The following ABCA3 variants were observed in gnomAD, a reference collection of about 807,000 sequenced individuals.
ABCA3 encodes the protein phospholipid-transporting ATPase ABCA3.
Under a neutral mutation model 172.8 loss-of-function variants are expected in ABCA3, and 88 were observed. The observed-to-expected ratio is 0.51, with a 90% CI of 0.43 to 0.61. The LOEUF is 0.61. ABCA3 is among the 20% of genes least tolerant of loss of function. The probability of loss-of-function intolerance (pLI) is 0.00; values close to 1 mark genes in which losing one functional copy is unlikely to be tolerated. For missense variants in ABCA3, 2,164 were observed against 2,301.0 expected, an observed-to-expected ratio of 0.94 and a Z score of 1.22; for synonymous variants, 1,066 against 983.8, an observed-to-expected ratio of 1.08 and a Z score of -1.56.
chr16:2,319,009 G>T (rs2093721234), intron 8 of ABCA3, among the ~76,000 whole-genome samples: 1 of 151,384 alleles, frequency 6.6e-6, no homozygotes, highest in South Asian at 2.1e-4. Context: ...CCTCAATGCT[G>T]CATAGTTTTA....
At chr16:2,299,892 G>A in intron 13 of ABCA3, 113 bp downstream of exon 13, 2 of 1,495,226 alleles carry the variant, frequency 1.3e-6, no homozygotes, top group Non-Finnish European at 1.8e-6. Flanking sequence ...GGGCAGGAGG[G>A]AGCAAGGCTC....
chr16:2,283,602 G>A lies in ABCA3; in HGVS notation c.3863-244C>T. Reference sequence around the variant, plus strand: ...ACATGGCAGACCCAGGGCAGCAACAGCCCGCCTGAGAGGCACAGGCTCTGC... The same window carrying A: ...ACATGGCAGACCCAGGGCAGCAACAACCCGCCTGAGAGGCACAGGCTCTGC... On this transcript the variant is annotated intron_variant, in intron 25 of 32. Coordinates refer to ENST00000301732, the MANE Select transcript of ABCA3 (RefSeq NM_001089.3). This position sits in a 1 kb window ranked among gnomAD's most constrained non-coding sequence, Gnocchi z 5.4. 1.9e-6 allele frequency: 1 copy of A among 514,624 alleles called. No individual in the cohort carries two copies. Among genetic ancestry groups the A allele is most frequent in the Non-Finnish European group, 3.5e-6 (1 of 282,902 alleles). 31.9% of individuals were successfully genotyped at this position (514,624 alleles called of 1,614,324 possible). A position where few individuals can be genotyped will look rare whatever the true frequency, so the allele number is the denominator to read the frequency against.
Position 2,283,500 on chromosome 16 carries a change from G to T in ABCA3, c.3863-142C>A. 1.1e-6 allele frequency: 1 copy of T among 927,084 alleles called. No individual in the cohort carries two copies. Among genetic ancestry groups the T allele is most frequent in the Non-Finnish European group, 1.6e-6 (1 of 626,076 alleles). 57.4% of individuals were successfully genotyped at this position (927,084 alleles called of 1,614,324 possible). A position where few individuals can be genotyped will look rare whatever the true frequency, so the allele number is the denominator to read the frequency against. The stretch of plus-strand genomic sequence containing the variant: ...CCATGGGGAGATGTGAAGGCCAGTA[G>T]GTCACAGCTGCCTCTCGAGGCACCA... On this transcript the variant is annotated intron_variant, in intron 25 of 32. Transcript: ENST00000301732. This position sits in a 1 kb window ranked among gnomAD's most constrained non-coding sequence, Gnocchi z 5.4.
intron 11 of ABCA3, among the ~76,000 whole-genome samples, chr16:2,305,677 G>A (rs574434369): frequency 1.6e-3 from 237 of 152,062 alleles, no homozygotes; most frequent in African/African-American, 5.3e-3. Flanking sequence ...TAATCCACCC[G>A]TCCTCCCAAA....
At chr16:2,328,226 A>T (rs2093737393) in intron 3 of ABCA3, among the ~76,000 whole-genome samples, 1 of 152,164 alleles carries the variant, frequency 6.6e-6, no homozygotes, top group Non-Finnish European at 1.5e-5. Context: ...TGTCTTACTA[A>T]ATTTCAAATA....
chr16:2,278,496 G>T lies in ABCA3; in HGVS notation c.4548-38C>A. On this transcript the variant is annotated intron_variant, in intron 29 of 32. Transcript: ENST00000301732. The surrounding 1 kb of genome is among the most constrained non-coding windows in gnomAD (Gnocchi z 4.4). ...GGGTGCCAGGTGGGGGAATAAGGCTGAGAGTTAGCATTGGCTCCCATGTCC... is the reference window on the plus strand; with the variant it reads ...GGGTGCCAGGTGGGGGAATAAGGCTTAGAGTTAGCATTGGCTCCCATGTCC... 1 of 1,604,772 alleles carries T rather than the reference G, an allele frequency of 6.2e-7. No homozygotes were observed. Among genetic ancestry groups the T allele is most frequent in the South Asian group, 1.1e-5 (1 of 91,054 alleles).
intron 12 of ABCA3, among the ~76,000 whole-genome samples, chr16:2,301,132 G>A (rs971738569): frequency 6.6e-6 from 1 of 151,428 alleles, no homozygotes; most frequent in Non-Finnish European, 1.5e-5. Context: ...TCGGGAGGCT[G>A]AGGCAGGAGA....
chr16:2,303,720 C>T (rs1044055371), intron 12 of ABCA3, among the ~76,000 whole-genome samples: 12 of 152,182 alleles, frequency 7.9e-5, no homozygotes, highest in Admixed American at 3.3e-4. Flanking sequence ...GCAGCCGGTT[C>T]TCTGCACCCC....
intron 12 of ABCA3, among the ~76,000 whole-genome samples, chr16:2,303,353 C>T (rs956722325): frequency 1.3e-4 from 20 of 151,872 alleles, no homozygotes; most frequent in Admixed American, 1.3e-3. Context: ...GCTCCGCCTC[C>T]CAGGTTCATG....
At chr16:2,308,687 C>T in intron 10 of ABCA3, 64 bp from the exon 11 acceptor site, 1 of 1,597,258 alleles carries the variant, frequency 6.3e-7, no homozygotes, top group South Asian at 1.1e-5. Context: ...CTTGGGCTCC[C>T]CGAGGTACAG....
At chr16:2,301,136 C>T (rs966708595) in intron 12 of ABCA3, among the ~76,000 whole-genome samples, 1 of 150,152 alleles carries the variant, frequency 6.7e-6, no homozygotes, top group Non-Finnish European at 1.5e-5. Context: ...GAGGCTGAGG[C>T]AGGAGAATGG....
At chr16:2,323,450 G>A (rs2093729183) in intron 7 of ABCA3, 73 bp downstream of exon 7, 2 of 1,582,506 alleles carry the variant, frequency 1.3e-6, no homozygotes, top group Admixed American at 1.7e-5. Flanking sequence ...TTTGCAAAGT[G>A]GGGCTGCCCC....
chr16:2,313,206 G>A (rs369979112), intron 10 of ABCA3, among the ~76,000 whole-genome samples: 45 of 152,124 alleles, frequency 3.0e-4, no homozygotes, highest in Admixed American at 6.6e-4. Context: ...TTTTTGCACC[G>A]TCACTACAAA....
chr16:2,321,838 C>A (rs1277321929), intron 7 of ABCA3, among the ~76,000 whole-genome samples: 1 of 152,128 alleles, frequency 6.6e-6, no homozygotes, highest in South Asian at 2.1e-4. Context: ...TAAGTCTGTA[C>A]ACAGAGAAGG....
At chr16:2,292,468 C>G (rs559614709) in intron 18 of ABCA3, among the ~76,000 whole-genome samples, 43 of 152,050 alleles carry the variant, frequency 2.8e-4, no homozygotes, top group Admixed American at 2.7e-3. Flanking sequence ...CGTGTGGTAG[C>G]AGGTGCCTGT....
chr16:2,281,126 G>T lies in ABCA3; in HGVS notation c.4260C>A (p.Ala1420=). 6.2e-7 allele frequency: 1 copy of T among 1,613,884 alleles called. No individual in the cohort carries two copies. Among genetic ancestry groups the T allele is most frequent in the African/African-American group, 1.3e-5 (1 of 75,020 alleles). Residue 1420 remains alanine, a synonymous_variant, in exon 28 of 33, where the codon GCC becomes GCA. Transcript: ENST00000301732. The surrounding 1 kb of genome is among the most constrained non-coding windows in gnomAD (Gnocchi z 4.7). ...ECFGLLGFNG[A]GKTTTFKMLT... The stretch of plus-strand genomic sequence containing the variant: ...GCATTTTGAAAGTCGTGGTCTTCCC[G>T]GCTCCATTGAAGCCCAGCAGGCCGA...
chr16:2,289,766 A>AT, intron 19 of ABCA3, 146 bp from the exon 20 acceptor site: 2 of 840,270 alleles, frequency 2.4e-6, no homozygotes, highest in Non-Finnish European at 3.7e-6. Flanking sequence ...CTCACTCATC[A>AT]GTGTCTCCGG....
chr16:2,276,923 G>A (rs1381355846), intron 32 of ABCA3, 118 bp from the exon 33 acceptor site: 1 of 1,438,718 alleles, frequency 7.0e-7, no homozygotes, highest in African/African-American at 1.4e-5. Context: ...CCCCTGCCCA[G>A]CGCCACCCCA....
chr16:2,320,289 G>A (rs1167769065), intron 7 of ABCA3, among the ~76,000 whole-genome samples: 3 of 149,910 alleles, frequency 2.0e-5, no homozygotes, highest in Admixed American at 6.7e-5. Flanking sequence ...TAGTAGAGAC[G>A]GGGTTTCACC....
Sources: gnomAD v4.1 joint callset for allele counts (sites outside exome capture counted in the v4.1 genomes callset) on GRCh38, gnomAD v4.1.1 for gene constraint, Gnocchi (gnomAD v3.1) non-coding constraint, MANE v1.5 for transcripts, NCBI Gene and HGNC (gene_info 2026-07-23, HGNC 2026-07-21) for gene names.